DIP2C: variants seen among roughly 807,000 people sequenced by gnomAD.
DIP2C encodes disco-interacting protein 2 homolog C.
Under a neutral mutation model 192.4 loss-of-function variants are expected in DIP2C, and 33 were observed. The observed-to-expected ratio is 0.17, with a 90% confidence interval of 0.13 to 0.23. DIP2C has a LOEUF of 0.23. Among genes scored for constraint, DIP2C ranks in the 10% least tolerant of loss-of-function variants. The probability of loss-of-function intolerance (pLI) is 1.00; values close to 1 mark genes in which losing one functional copy is unlikely to be tolerated. For synonymous variants in DIP2C, 979 were observed against 864.1 expected (o/e 1.13, Z -2.33); for missense variants, 1,537 against 2,110.1 (o/e 0.73, Z 5.32).
intron 1 of DIP2C, among the ~76,000 whole-genome samples, chr10:548,911 C>CAAAAAAA (rs61437915): frequency 0.021 from 547 of 26,284 alleles, 38 homozygotes; most frequent in Non-Finnish European, 0.03. Flanking sequence ...TAGCAGCTCA[C>CAAAAAAA]AAAAAAAAAA....
intron 32 of DIP2C, among the ~76,000 whole-genome samples, chr10:291,472 G>GA (rs1439537716): frequency 2.6e-5 from 4 of 152,156 alleles, no homozygotes; most frequent in African/African-American, 4.8e-5. Flanking sequence ...GCCAAGAGAG[G>GA]AAAAAAGCTA....
At position 471,056 on chromosome 10, in the gene DIP2C, G is replaced by C. The variant is rs147373349; in HGVS notation, c.268+1383C>G. On this transcript the variant is annotated intron_variant, in intron 3 of 36. Transcript: ENST00000280886. ...CTCCGAGACACCCACATGAGTAAGA[G>C]AAGGTCTCAATATGTGTCGGGGCTT... 2.3e-3 allele frequency among the ~76,000 whole-genome samples: 345 copies of C among 152,228 alleles called. 1 individual carries two copies. The highest frequency in any genetic ancestry group is 7.9e-3 in the African/African-American group (329 of 41,542).
intron 1 of DIP2C, among the ~76,000 whole-genome samples, chr10:563,122 G>C (rs776151190): frequency 2.6e-5 from 4 of 152,186 alleles, no homozygotes; most frequent in Non-Finnish European, 4.4e-5. Context: ...TCTGAAGTCA[G>C]GGCCTTATCA....
chr10:624,591 C>G (rs964313552), intron 1 of DIP2C, among the ~76,000 whole-genome samples: 3 of 152,190 alleles, frequency 2.0e-5, no homozygotes, highest in African/African-American at 7.2e-5. Flanking sequence ...CCCGGGCAGC[C>G]CCTCTGGATG....
intron 9 of DIP2C, among the ~76,000 whole-genome samples, chr10:401,267 T>C (rs1025793093): frequency 1.3e-5 from 2 of 150,368 alleles, no homozygotes; most frequent in Admixed American, 6.6e-5. Flanking sequence ...TGATTTTACA[T>C]GTGGGGTAGC....
intron 1 of DIP2C, among the ~76,000 whole-genome samples, chr10:584,771 G>A (rs12412631): frequency 3.4e-5 from 3 of 88,254 alleles, no homozygotes; most frequent in African/African-American, 4.7e-5. Context: ...CCACAACCTG[G>A]CCCCCACTCA....
At chr10:416,193 T>C (rs11594780) in intron 6 of DIP2C, among the ~76,000 whole-genome samples, 52,065 of 151,848 alleles carry the variant, frequency 0.34, 9,151 homozygotes, top group South Asian at 0.46. Flanking sequence ...CAGGACAGAA[T>C]TGTCACCTGC....
chr10:592,417 T>A (rs971603044), intron 1 of DIP2C, among the ~76,000 whole-genome samples: 1 of 152,220 alleles, frequency 6.6e-6, no homozygotes, highest in Non-Finnish European at 1.5e-5. Flanking sequence ...ATAATCCAAA[T>A]GTCCATCGAT....
At chr10:579,988 G>A (rs534050300) in intron 1 of DIP2C, among the ~76,000 whole-genome samples, 1 of 151,700 alleles carries the variant, frequency 6.6e-6, no homozygotes, top group Admixed American at 6.5e-5. Flanking sequence ...ACATATACAG[G>A]TACACTATAA....
intron 1 of DIP2C, among the ~76,000 whole-genome samples, chr10:674,698 G>A (rs1830794172): frequency 6.6e-6 from 1 of 150,886 alleles, no homozygotes; most frequent in Non-Finnish European, 1.5e-5. Flanking sequence ...GAACTTGGGA[G>A]GTGGAGGTTG....
chr10:437,882 T>A (rs1285186686), intron 4 of DIP2C: 1 of 152,204 alleles, frequency 6.6e-6, no homozygotes, highest in African/African-American at 2.4e-5. Flanking sequence ...TGAGATAAGA[T>A]CTAACCACTG....
At chr10:573,705 G>C (rs567642926) in intron 1 of DIP2C, among the ~76,000 whole-genome samples, 1 of 150,156 alleles carries the variant, frequency 6.7e-6, no homozygotes, top group Non-Finnish European at 1.5e-5. Flanking sequence ...CCATCACGCC[G>C]GCTTTTTTTT....
intron 31 of DIP2C, among the ~76,000 whole-genome samples, chr10:326,804 A>G (rs567971744): frequency 1.3e-5 from 2 of 152,334 alleles, no homozygotes; most frequent in East Asian, 3.9e-4. Context: ...AGTCCTATGA[A>G]TGCTTGTTAT....
intron 1 of DIP2C, among the ~76,000 whole-genome samples, chr10:608,002 C>A (rs1001788475): frequency 6.6e-6 from 1 of 151,572 alleles, no homozygotes. Flanking sequence ...AATCGGAGTC[C>A]GCAGGTGCGG....
chr10:541,417 T>G (rs1452318313), intron 1 of DIP2C, among the ~76,000 whole-genome samples: 269 of 119,626 alleles, frequency 2.2e-3, no homozygotes, highest in East Asian at 5.0e-3. Context: ...GCACCCCACA[T>G]CGTGACCCTC....
intron 1 of DIP2C, among the ~76,000 whole-genome samples, chr10:680,328 C>T (rs570727021): frequency 6.6e-6 from 1 of 152,242 alleles, no homozygotes; most frequent in Admixed American, 6.5e-5. Context: ...AGCCCGGCCT[C>T]CTGCAGCACT....
intron 34 of DIP2C, 26 bp from the exon 35 acceptor site, chr10:283,472 T>C (rs1207993826): frequency 6.8e-6 from 11 of 1,611,498 alleles, no homozygotes; most frequent in Non-Finnish European, 7.6e-6. Context: ...AATGTCACTG[T>C]GGATGACATT....
chr10:606,267 GC>G (rs1156430744), intron 1 of DIP2C, among the ~76,000 whole-genome samples: 3 of 152,154 alleles, frequency 2.0e-5, no homozygotes, highest in Non-Finnish European at 4.4e-5. Context: ...TGAGGCCCCA[GC>G]ACGCTCTGTC....
At chr10:664,697 C>G (rs543447100) in intron 1 of DIP2C, 1 of 152,004 alleles carries the variant, frequency 6.6e-6, no homozygotes, top group Non-Finnish European at 1.5e-5. Flanking sequence ...TTACTTTTTA[C>G]ATTTTAAAAA....
Sources: gnomAD v4.1 joint callset for allele counts (sites outside exome capture counted in the v4.1 genomes callset) on GRCh38, gnomAD v4.1.1 for gene constraint, MANE v1.5 for transcripts, NCBI Gene and HGNC (gene_info 2026-07-23, HGNC 2026-07-21) for gene names.